The following RASAL2 variants were observed in gnomAD, a reference collection of about 807,000 sequenced individuals.
RASAL2 encodes RAS protein activator like 2, also known as ras GTPase-activating protein nGAP.
A neutral mutation model predicts 128.9 loss-of-function variants in RASAL2; 58 were observed. The ratio of observed to expected loss-of-function variants is 0.45; its 90% confidence interval spans 0.36 to 0.56. The LOEUF is 0.56. RASAL2 is among the 20% of genes least tolerant of loss of function. The probability of loss-of-function intolerance (pLI) is 0.00; values close to 1 mark genes in which losing one functional copy is unlikely to be tolerated. For synonymous variants in RASAL2, 561 were observed against 580.8 expected (o/e 0.97, Z 0.49); for missense variants, 1,360 against 1,601.6 (o/e 0.85, Z 2.57).
intron 1 of RASAL2, among the ~76,000 whole-genome samples, chr1:178,098,964 A>AT (rs1658791596): frequency 6.6e-6 from 1 of 152,218 alleles, no homozygotes; most frequent in Non-Finnish European, 1.5e-5. Flanking sequence ...AGAAGTTCAT[A>AT]TTCAAGAAGT....
intron 1 of RASAL2, among the ~76,000 whole-genome samples, chr1:178,096,554 A>G (rs373784998): frequency 2.6e-5 from 4 of 151,924 alleles, no homozygotes; most frequent in African/African-American, 9.6e-5. Context: ...TGAACAGGAT[A>G]TATGTTTATT....
intron 2 of RASAL2, among the ~76,000 whole-genome samples, chr1:178,291,000 A>G (rs1157887794): frequency 3.4e-5 from 5 of 149,212 alleles, no homozygotes; most frequent in Non-Finnish European, 7.5e-5. Context: ...ATTGTAATAT[A>G]ACCATAAGAG....
intron 5 of RASAL2, among the ~76,000 whole-genome samples, chr1:178,421,241 G>A (rs1463554082): frequency 5.9e-5 from 9 of 152,208 alleles, no homozygotes; most frequent in East Asian, 5.8e-4. Context: ...TCTAGAAGAC[G>A]TGCTGAAAAG....
intron 1 of RASAL2, among the ~76,000 whole-genome samples, chr1:178,261,582 C>T (rs1003674336): frequency 2.6e-5 from 4 of 152,080 alleles, no homozygotes; most frequent in African/African-American, 9.7e-5. Context: ...CTCTGTGTTA[C>T]TAAAAGAGTA....
chr1:178,435,335 C>T (rs1267915140), intron 5 of RASAL2, among the ~76,000 whole-genome samples: 1 of 152,026 alleles, frequency 6.6e-6, no homozygotes, highest in East Asian at 1.9e-4. Context: ...TGAGAAAATC[C>T]AGCTGTGTTT....
At chr1:178,149,224 G>A (rs1660831859) in intron 1 of RASAL2, among the ~76,000 whole-genome samples, 1 of 152,106 alleles carries the variant, frequency 6.6e-6, no homozygotes, top group Non-Finnish European at 1.5e-5. Flanking sequence ...TATAAGAAGA[G>A]TTTATGTTCT....
In RASAL2 at chr1:178,442,894, G is replaced by T; in HGVS notation, c.1147G>T (p.Val383Leu). The T allele has an allele frequency of 6.2e-7, 1 of 1,613,706 alleles. No homozygotes were observed. The highest frequency in any genetic ancestry group is 1.1e-5 in the South Asian group (1 of 91,056). ...HSITVHIYKDVEKKKKKDKNN... is the reference protein window; with the variant it reads ...HSITVHIYKDLEKKKKKDKNN... ...TATCACAGTTCACATTTACAAGGATGTGGAAAAAAAGAAAAAAAAGGACAA... is the reference window on the plus strand; with the variant it reads ...TATCACAGTTCACATTTACAAGGATTTGGAAAAAAAGAAAAAAAAGGACAA... Residue 383 changes from valine (V) to leucine (L), a missense_variant, in exon 8 of 18, where the codon GTG (valine) becomes TTG (leucine). Physicochemically the swap from Val to Leu is conservative, Grantham distance 32. Coordinates refer to ENST00000367649, the MANE Select transcript of RASAL2 (RefSeq NM_170692.4).
intron 4 of RASAL2, among the ~76,000 whole-genome samples, chr1:178,392,248 C>T (rs1479451506): frequency 6.6e-6 from 1 of 152,130 alleles, no homozygotes; most frequent in African/African-American, 2.4e-5. Flanking sequence ...TAAGTTAAGG[C>T]TTTGACAAGG....
chr1:178,320,281 AC>A (rs1668695435), intron 3 of RASAL2, among the ~76,000 whole-genome samples: 1 of 152,186 alleles, frequency 6.6e-6, no homozygotes, highest in South Asian at 2.1e-4. Flanking sequence ...GGTGGAGCCT[AC>A]AGGGGCAGGC....
intron 2 of RASAL2, among the ~76,000 whole-genome samples, chr1:178,290,442 A>G (rs1385968479): frequency 2.0e-5 from 3 of 152,214 alleles, no homozygotes; most frequent in Non-Finnish European, 4.4e-5. Flanking sequence ...CCACAGTTGA[A>G]TACATGATTC....
chr1:178,305,690 G>A (rs1282795121), intron 3 of RASAL2, among the ~76,000 whole-genome samples: 2 of 152,130 alleles, frequency 1.3e-5, no homozygotes, highest in Non-Finnish European at 1.5e-5. Flanking sequence ...GGTATTATTA[G>A]ACCCCCAAGT....
chr1:178,443,464 A>ACAGC (rs1455758607), intron 8 of RASAL2, among the ~76,000 whole-genome samples: 4 of 152,198 alleles, frequency 2.6e-5, no homozygotes, highest in African/African-American at 9.7e-5. Context: ...CATAGATAAC[A>ACAGC]CAGCCAGCTC....
chr1:178,308,711 AT>A (rs931419865), intron 3 of RASAL2, among the ~76,000 whole-genome samples: 2,324 of 145,842 alleles, frequency 0.016, 47 homozygotes, highest in African/African-American at 0.054. Context: ...ATGCCTGGCT[AT>A]TTTTTTTTTT....
intron 3 of RASAL2, among the ~76,000 whole-genome samples, chr1:178,359,173 C>T (rs1043202067): frequency 1.3e-5 from 2 of 152,058 alleles, no homozygotes; most frequent in African/African-American, 2.4e-5. Flanking sequence ...AATGTCAACA[C>T]GTTTTTTGTT....
intron 5 of RASAL2, among the ~76,000 whole-genome samples, chr1:178,435,925 A>G (rs980502173): frequency 2.0e-5 from 3 of 152,006 alleles, no homozygotes; most frequent in African/African-American, 7.2e-5. Flanking sequence ...TGGACTGGGA[A>G]TCATTATTTT....
At chr1:178,238,934 G>A (rs1175367136) in intron 1 of RASAL2, among the ~76,000 whole-genome samples, 1 of 152,050 alleles carries the variant, frequency 6.6e-6, no homozygotes, top group Non-Finnish European at 1.5e-5. Context: ...GATGAGTAAT[G>A]ACTCTGGATC....
At chr1:178,466,872 G>T (rs181253914) in intron 16 of RASAL2, among the ~76,000 whole-genome samples, 60 of 152,326 alleles carry the variant, frequency 3.9e-4, no homozygotes, top group Middle Eastern at 6.8e-3. Flanking sequence ...TGTTTGGGTA[G>T]ACTGGCAGAA....
intron 3 of RASAL2, among the ~76,000 whole-genome samples, chr1:178,308,767 A>C (rs1668111924): frequency 6.6e-6 from 1 of 151,994 alleles, no homozygotes; most frequent in African/African-American, 2.4e-5. Flanking sequence ...TCATGCTGGG[A>C]AACCTTGGTT....
chr1:178,095,406 C>T (rs1274264343), intron 1 of RASAL2, among the ~76,000 whole-genome samples: 1 of 146,554 alleles, frequency 6.8e-6, no homozygotes, highest in Non-Finnish European at 1.5e-5. Flanking sequence ...GCACTAAAAC[C>T]ATGCTGGTTT....
Sources: gnomAD v4.1 joint callset for allele counts (sites outside exome capture counted in the v4.1 genomes callset) on GRCh38, gnomAD v4.1.1 for gene constraint, MANE v1.5 for transcripts, NCBI Gene and HGNC (gene_info 2026-07-23, HGNC 2026-07-21) for gene names.